Variants in MRM1 observed in about 807,000 individuals in gnomAD.
The protein encoded by MRM1 is rRNA methyltransferase 1, mitochondrial.
In MRM1, 24 loss-of-function variants were observed where a neutral mutation model predicts 25.0. The observed-to-expected ratio is 0.96, with a 90% CI of 0.69 to 1.35. MRM1 has a LOEUF of 1.35. Among genes scored for constraint, MRM1 ranks in the 40% most tolerant of loss-of-function variants. The pLI is 0.00. For synonymous variants in MRM1, 188 were observed against 199.2 expected, an observed-to-expected ratio of 0.94 and a Z score of 0.47; for missense variants, 431 against 464.1, an observed-to-expected ratio of 0.93 and a Z score of 0.65.
the MRM1 span, among the ~76,000 whole-genome samples, chr17:36,617,695 C>T: frequency 6.6e-6 from 1 of 152,140 alleles, no homozygotes; most frequent in Non-Finnish European, 1.5e-5. Context: ...TGCGCCTGGC[C>T]AACCCTTCCT....
At chr17:36,612,092 A>G (rs1432552675), downstream of MRM1, among the ~76,000 whole-genome samples, 1 of 152,142 alleles carries the variant, frequency 6.6e-6, no homozygotes, top group African/African-American at 2.4e-5. Context: ...TAGAAGTTGG[A>G]GTAGGGGCTA....
At chr17:36,603,274 T>TGA (rs2074898219) in intron 2 of MRM1, 1 of 959,734 alleles carries the variant, frequency 1.0e-6, no homozygotes, top group South Asian at 4.8e-5. Context: ...AAATATGGTG[T>TGA]GAGAAACATA....
chr17:36,602,538 G>A lies in MRM1; in HGVS notation c.543-15G>A, dbSNP rs764003907. 1.2e-6 allele frequency: 2 copies of A among 1,614,156 alleles called. No homozygotes were observed. The highest frequency in any genetic ancestry group is 1.7e-6 in the Non-Finnish European group (2 of 1,180,014). The stretch of plus-strand genomic sequence containing the variant: ...GATGGCCCAGCCTAATGCGGGGAAC[G>A]GGGAAACCTTGCAGCTGCCCGCTCA... On this transcript the variant is annotated splice_polypyrimidine_tract_variant and intron_variant, in intron 1 of 4. Coordinates refer to ENST00000614766, the MANE Select transcript of MRM1 (RefSeq NM_024864.5). This position sits in a 1 kb window ranked among gnomAD's most constrained non-coding sequence, Gnocchi z 4.1.
the MRM1 span, among the ~76,000 whole-genome samples, chr17:36,630,822 T>C: frequency 6.6e-6 from 1 of 152,080 alleles, no homozygotes; most frequent in African/African-American, 2.4e-5. Context: ...GCAGATTTAT[T>C]TGGTTAACAA....
chr17:36,612,738 C>T (rs1049486905), downstream of MRM1, among the ~76,000 whole-genome samples: 1 of 152,182 alleles, frequency 6.6e-6, no homozygotes, highest in Non-Finnish European at 1.5e-5. Context: ...CAGTTTTCAT[C>T]GCCTATAAAA....
chr17:36,606,975 C>T (rs1203173640), intron 2 of MRM1, among the ~76,000 whole-genome samples: 2 of 146,124 alleles, frequency 1.4e-5, no homozygotes, highest in African/African-American at 2.6e-5. Flanking sequence ...AGTACAATGG[C>T]GCAATCTCGG....
the MRM1 span, among the ~76,000 whole-genome samples, chr17:36,617,055 G>T: frequency 6.6e-6 from 1 of 152,136 alleles, no homozygotes; most frequent in Non-Finnish European, 1.5e-5. Flanking sequence ...CTCTAAGTGG[G>T]ACATTCCAGT....
chr17:36,617,071 T>TCCTAGCAAAG, the MRM1 span, among the ~76,000 whole-genome samples: 4 of 151,926 alleles, frequency 2.6e-5, no homozygotes, highest in African/African-American at 9.7e-5. Context: ...CCAGTGGAGG[T>TCCTAGCAAAG]GCTGGGAGGC....
the MRM1 span, among the ~76,000 whole-genome samples, chr17:36,631,659 G>A: frequency 2.0e-5 from 3 of 152,224 alleles, no homozygotes; most frequent in Admixed American, 6.5e-5. Flanking sequence ...GCTGTCAGAT[G>A]GATGGATATA....
chr17:36,607,249 T>C (rs888797924), intron 2 of MRM1, among the ~76,000 whole-genome samples: 2 of 151,984 alleles, frequency 1.3e-5, no homozygotes, highest in African/African-American at 4.8e-5. Context: ...TCAGGTAATC[T>C]GCCTGCTTCA....
At chr17:36,603,177 A>ACCCCC in intron 2 of MRM1, 1 of 970,574 alleles carries the variant, frequency 1.0e-6, no homozygotes, top group Admixed American at 6.2e-5. Flanking sequence ...ACCCCCCCCA[A>ACCCCC]CCCCCACCCC....
chr17:36,603,513 T>C (rs1166187755), intron 2 of MRM1, among the ~76,000 whole-genome samples: 1 of 152,138 alleles, frequency 6.6e-6, no homozygotes, highest in Non-Finnish European at 1.5e-5. Flanking sequence ...GTGATTCTCC[T>C]GCTTCAGCCT....
At chr17:36,617,760 T>A in the MRM1 span, among the ~76,000 whole-genome samples, 1 of 152,110 alleles carries the variant, frequency 6.6e-6, no homozygotes, top group Non-Finnish European at 1.5e-5. Flanking sequence ...CCCTTTGCCC[T>A]TCCTAGCCTG....
chr17:36,602,689 T>G lies in MRM1; in HGVS notation c.636+43T>G. On this transcript the variant is annotated intron_variant, in intron 2 of 4. Transcript: ENST00000614766. This position sits in a 1 kb window ranked among gnomAD's most constrained non-coding sequence, Gnocchi z 4.1. ...GGGAAGGAACAGATGTGAGCCCAGC[T>G]CAGCCTCTTCAAGGGGACGAAGCTA... is the stretch of plus-strand genomic sequence containing the variant. 6.2e-7 allele frequency: 1 copy of G among 1,606,386 alleles called. No individual in the cohort carries two copies. The highest frequency in any genetic ancestry group is 1.7e-5 in the Admixed American group (1 of 59,994).
the MRM1 span, among the ~76,000 whole-genome samples, chr17:36,625,316 T>TCTTCTC: frequency 4.5e-3 from 525 of 116,828 alleles, 6 homozygotes; most frequent in Non-Finnish European, 6.0e-3. Context: ...TCTTCTTCTT[T>TCTTCTC]CTTCTCCTTC....
At chr17:36,618,391 G>A in the MRM1 span, among the ~76,000 whole-genome samples, 1 of 152,144 alleles carries the variant, frequency 6.6e-6, no homozygotes, top group Non-Finnish European at 1.5e-5. Flanking sequence ...AGTAGAGCAG[G>A]GGAAGGGGAC....
chr17:36,615,737 T>C, the MRM1 span, among the ~76,000 whole-genome samples: 4 of 151,774 alleles, frequency 2.6e-5, no homozygotes, highest in Admixed American at 2.6e-4. Flanking sequence ...GGCTCATGCC[T>C]GTAATCCCAG....
At chr17:36,603,167 A>ACCCCCCCCCACC in intron 2 of MRM1, 2 of 918,582 alleles carry the variant, frequency 2.2e-6, no homozygotes, top group Non-Finnish European at 2.6e-6. Flanking sequence ...CTCTGACCAT[A>ACCCCCCCCCACC]CCCCCCCCAA....
chr17:36,610,513 T>C (rs891862060), downstream of MRM1, among the ~76,000 whole-genome samples: 2 of 152,158 alleles, frequency 1.3e-5, no homozygotes, highest in Admixed American at 6.5e-5. Context: ...ATTACAGGCG[T>C]GAGCCACTGC....
Sources: allele counts gnomAD v4.1 joint callset (sites outside exome capture counted in the v4.1 genomes callset), GRCh38; gene constraint gnomAD v4.1.1; non-coding constraint Gnocchi (gnomAD v3.1); transcripts MANE v1.5; gene names NCBI Gene and HGNC (gene_info 2026-07-23, HGNC 2026-07-21).